CACNA1C: variants seen among roughly 807,000 people sequenced by gnomAD.
The protein encoded by CACNA1C is calcium voltage-gated channel subunit alpha1 C, also known as voltage-dependent L-type calcium channel subunit alpha-1C.
CACNA1C carries 30 observed loss-of-function variants against 229.0 expected under a neutral mutation model. The ratio of observed to expected loss-of-function variants is 0.13; its 90% CI spans 0.10 to 0.18. The LOEUF (loss-of-function observed/expected upper bound fraction) is 0.18, where lower values mean the gene tolerates loss of function less well. CACNA1C is among the 10% of genes least tolerant of loss of function. CACNA1C has a pLI of 1.00. For missense variants in CACNA1C, 1,658 were observed against 2,845.0 expected (o/e 0.58, Z 9.49); for synonymous variants, 1,114 against 1,132.5 (o/e 0.98, Z 0.33).
At chr12:2,278,477 T>C (rs1434829790) in intron 3 of CACNA1C, among the ~76,000 whole-genome samples, 2 of 152,212 alleles carry the variant, frequency 1.3e-5, no homozygotes, top group African/African-American at 4.8e-5. Context: ...TTTTCTATTG[T>C]TTTATATCAA....
intron 1 of CACNA1C, among the ~76,000 whole-genome samples, chr12:1,993,624 T>TGCG (rs2040044884): frequency 4.1e-5 from 3 of 72,566 alleles, no homozygotes; most frequent in African/African-American, 1.6e-4. Context: ...ATACTTCATT[T>TGCG]GTGGTGTGTG....
Position 2,412,949 on chromosome 12 carries a change from T to A in CACNA1C, c.478-36027T>A, listed in dbSNP as rs145784740. ...TAACAATTCAAAATGTAAGTAAAATTTATGATATAAGTGAATTGGCTGCTA... is the reference window on the plus strand; with the variant it reads ...TAACAATTCAAAATGTAAGTAAAATATATGATATAAGTGAATTGGCTGCTA... On this transcript the variant is annotated intron_variant, in intron 3 of 46. Coordinates refer to ENST00000399655, the MANE Select transcript of CACNA1C (RefSeq NM_000719.7). Among the ~76,000 whole-genome samples, 1,232 of 152,276 alleles carry A rather than the reference T, an allele frequency of 8.1e-3. 26 individuals carry two copies. Among genetic ancestry groups the A allele is most frequent in the African/African-American group, 0.028 (1,164 of 41,558 alleles).
chr12:2,539,870 T>C (rs10848672), intron 9 of CACNA1C, among the ~76,000 whole-genome samples: 16,369 of 93,018 alleles, frequency 0.18, 2,401 homozygotes, highest in African/African-American at 0.46. Flanking sequence ...TTAAGGAGGG[T>C]TTCATAAAGA....
intron 12 of CACNA1C, among the ~76,000 whole-genome samples, chr12:2,567,078 T>A (rs1466402005): frequency 1.3e-5 from 2 of 152,156 alleles, no homozygotes; most frequent in Non-Finnish European, 2.9e-5. Context: ...TAGACGAGGG[T>A]CCCACTAGCC....
At chr12:2,196,483 A>G (rs879643463) in intron 3 of CACNA1C, among the ~76,000 whole-genome samples, 1 of 152,232 alleles carries the variant, frequency 6.6e-6, no homozygotes, top group South Asian at 2.1e-4. Flanking sequence ...TCTTTTATTT[A>G]TTATTAAGTT....
rs139348705 is a variant in CACNA1C at position 2,143,353 on chromosome 12, C to T, written c.477+22923C>T. The stretch of plus-strand genomic sequence containing the variant: ...GTAGTGTCCTGTAATGTCCTAGGCC[C>T]TCAAATTCACTCACCACTCACTCAC... On this transcript the variant is annotated intron_variant, in intron 3 of 46. Transcript: ENST00000399655. Among the ~76,000 whole-genome samples, 40 of 151,218 alleles carry T rather than the reference C, an allele frequency of 2.6e-4. 2 individuals are homozygous for T. Among genetic ancestry groups the T allele is most frequent in the Middle Eastern group, 3.4e-3 (1 of 294 alleles).
rs373170711 is a variant in CACNA1C at position 2,646,760 on chromosome 12, GAGAGAGAA to G, written c.3913-1707_3913-1700del. 3.7e-4 allele frequency among the ~76,000 whole-genome samples: 21 copies of G among 56,908 alleles called. No individual in the cohort carries two copies. The highest frequency in any genetic ancestry group is 0.023 in the Middle Eastern group (2 of 88). 37.3% of individuals were successfully genotyped at this position (56,908 alleles called of 152,430 possible). On this transcript the variant is annotated intron_variant, in intron 30 of 46. Transcript: ENST00000399655. The surrounding 1 kb of genome is among the most constrained non-coding windows in gnomAD (Gnocchi z 4.6). Reference sequence around the variant, plus strand: ...TCTGTGCATGCCTGTATGAGAGAGAGAGAGAGAAAGAGAGAGAGAGAGAGAGAGAGTGT... The same window carrying G: ...TCTGTGCATGCCTGTATGAGAGAGAGAGAGAGAGAGAGAGAGAGAGAGTGT...
At chr12:2,572,640 TCTCCTCTTCCTCCTCCTCTCTTC>T (rs1343047161) in intron 13 of CACNA1C, among the ~76,000 whole-genome samples, 1 of 41,208 alleles carries the variant, frequency 2.4e-5, no homozygotes, top group Non-Finnish European at 4.6e-5. Context: ...TCCTCCTCCT[TCTCCTCTTCCTCCTCCTCTCTTC>T]CTCCTCTTCC....
intron 3 of CACNA1C, among the ~76,000 whole-genome samples, chr12:2,442,316 C>A (rs1159616478): frequency 6.6e-6 from 1 of 152,120 alleles, no homozygotes; most frequent in African/African-American, 2.4e-5. Context: ...TCTCCACTGA[C>A]CTCTTCTAAA....
chr12:2,063,230 C>A (rs1565453627), intron 1 of CACNA1C, among the ~76,000 whole-genome samples: 1 of 151,656 alleles, frequency 6.6e-6, no homozygotes, highest in Admixed American at 6.6e-5. Flanking sequence ...CGTCTCACTG[C>A]AACCTCCGAC....
At chr12:2,186,868 G>T (rs914403285) in intron 3 of CACNA1C, among the ~76,000 whole-genome samples, 4 of 152,180 alleles carry the variant, frequency 2.6e-5, no homozygotes, top group African/African-American at 9.7e-5. Flanking sequence ...ATTCAGGTCT[G>T]CCTGACCCAG....
chr12:2,513,633 A>G (rs2099789825), intron 9 of CACNA1C, among the ~76,000 whole-genome samples: 1 of 152,218 alleles, frequency 6.6e-6, no homozygotes, highest in South Asian at 2.1e-4. Flanking sequence ...TAGAAATGAA[A>G]GTGATGGATG....
chr12:2,683,950 G>A (rs148696726), intron 43 of CACNA1C, among the ~76,000 whole-genome samples: 2 of 152,292 alleles, frequency 1.3e-5, no homozygotes, highest in East Asian at 1.9e-4. Flanking sequence ...AGCCCTCACC[G>A]ACCCCTCCCA....
chr12:2,644,455 C>T (rs1011962256), intron 30 of CACNA1C, among the ~76,000 whole-genome samples: 3 of 152,182 alleles, frequency 2.0e-5, no homozygotes, highest in Admixed American at 2.0e-4. Flanking sequence ...TTACCCTTGG[C>T]TGTGCTTTAA....
At chr12:2,521,123 G>A (rs892268284) in intron 9 of CACNA1C, among the ~76,000 whole-genome samples, 1 of 152,214 alleles carries the variant, frequency 6.6e-6, no homozygotes, top group African/African-American at 2.4e-5. Flanking sequence ...GGAGAATATT[G>A]TCAATACCAG....
chr12:2,607,171 A>G (rs2075742267), intron 26 of CACNA1C, 41 bp downstream of exon 26: 1 of 1,582,202 alleles, frequency 6.3e-7, no homozygotes, highest in Admixed American at 1.8e-5. Context: ...CTGACATTCA[A>G]GGGCCAGTAC....
Position 2,564,516 on chromosome 12 carries a change from G to A in CACNA1C, c.1509-1906G>A, listed in dbSNP as rs187278168. On this transcript the variant is annotated intron_variant, in intron 11 of 46. Coordinates refer to ENST00000399655, the MANE Select transcript of CACNA1C (RefSeq NM_000719.7). ...GCAGGAGCTGTATCTTCAATGCCTC[G>A]TGGGTCTGCGTACAAGCCCTACAGG... Among the ~76,000 whole-genome samples the A allele has an allele frequency of 3.2e-3, 488 of 152,174 alleles. 2 individuals carry two copies. The highest frequency in any genetic ancestry group is 5.7e-3 in the Non-Finnish European group (386 of 68,012).
At position 2,641,273 on chromosome 12, in the gene CACNA1C, G is replaced by A. The variant is rs2093663254; in HGVS notation, c.3912+6893G>A. 2.0e-5 allele frequency among the ~76,000 whole-genome samples: 3 copies of A among 152,194 alleles called. No individual in the cohort carries two copies. In the South Asian group the frequency reaches 6.2e-4, roughly 32 times the overall value. ...TTGAGGATATACAAATTTTCTAGATGAGGACACAAAAGGCCAGAGGCAGGA... is the reference window on the plus strand; with the variant it reads ...TTGAGGATATACAAATTTTCTAGATAAGGACACAAAAGGCCAGAGGCAGGA... On this transcript the variant is annotated intron_variant, in intron 30 of 46. Coordinates refer to ENST00000399655, the MANE Select transcript of CACNA1C (RefSeq NM_000719.7).
At chr12:2,064,491 A>C (rs1196208865) in intron 1 of CACNA1C, among the ~76,000 whole-genome samples, 1 of 152,174 alleles carries the variant, frequency 6.6e-6, no homozygotes, top group African/African-American at 2.4e-5. Context: ...GGCATGACTG[A>C]TTAATAAGGG....
Sources: allele counts gnomAD v4.1 joint callset (sites outside exome capture counted in the v4.1 genomes callset), GRCh38; gene constraint gnomAD v4.1.1; non-coding constraint Gnocchi (gnomAD v3.1); transcripts MANE v1.5; gene names NCBI Gene and HGNC (gene_info 2026-07-23, HGNC 2026-07-21).